Variants in SPECC1L observed in about 807,000 individuals in gnomAD.
The protein encoded by SPECC1L is sperm antigen with calponin homology and coiled-coil domains 1 like.
SPECC1L carries 40 observed loss-of-function variants against 116.8 expected under a neutral mutation model. The ratio of observed to expected loss-of-function variants is 0.34; its 90% confidence interval spans 0.27 to 0.45. The LOEUF (loss-of-function observed/expected upper bound fraction) is 0.45. Ranked by LOEUF, SPECC1L falls within the 20% of genes least tolerant of loss-of-function variation. The pLI, the probability that SPECC1L is intolerant of heterozygous loss-of-function variation, is 1.00. For missense variants in SPECC1L, 1,110 were observed against 1,373.6 expected, an observed-to-expected ratio of 0.81 and a Z score of 3.03; for synonymous variants, 504 against 500.6, an observed-to-expected ratio of 1.01 and a Z score of -0.09.
At chr22:24,318,067 A>G (rs1288522449) in intron 4 of SPECC1L, among the ~76,000 whole-genome samples, 1 of 148,102 alleles carries the variant, frequency 6.8e-6, no homozygotes, top group Admixed American at 6.7e-5. Flanking sequence ...GGCTCCTCAC[A>G]TCCCAGACGA....
Position 24,313,317 on chromosome 22 carries a change from A to G in SPECC1L, c.158A>G (p.Lys53Arg). The G allele has an allele frequency of 6.2e-7, 1 of 1,614,162 alleles. No individual in the cohort carries two copies. Among genetic ancestry groups the G allele is most frequent in the South Asian group, 1.1e-5 (1 of 91,070 alleles). Residue 53 changes from lysine (K) to arginine (R), a missense_variant, in exon 4 of 17, where the codon AAG (lysine) becomes AGG (arginine). Lys to Arg is a conservative substitution (Grantham distance 26, BLOSUM62 2). Coordinates refer to ENST00000314328, the MANE Select transcript of SPECC1L (RefSeq NM_015330.6). ...PGTAASLSKT[K>R]SSDDLLAGMA... ...TTTATTTTCTGTTGCTTCTAGACCA[A>G]GAGCAGTGATGACCTTTTAGCTGGA...
At chr22:24,316,454 C>T (rs2040567959) in intron 4 of SPECC1L, among the ~76,000 whole-genome samples, 1 of 151,208 alleles carries the variant, frequency 6.6e-6, no homozygotes, top group African/African-American at 2.4e-5. Flanking sequence ...TCCCTGGGTA[C>T]TTGAGATTAG....
intron 3 of SPECC1L, among the ~76,000 whole-genome samples, chr22:24,306,970 A>G (rs1383206447): frequency 6.6e-6 from 1 of 152,204 alleles, no homozygotes; most frequent in Non-Finnish European, 1.5e-5. Flanking sequence ...ATGTTGCAGC[A>G]TGTGTCAGAA....
intron 11 of SPECC1L, among the ~76,000 whole-genome samples, chr22:24,361,777 T>C (rs1663294699): frequency 6.7e-6 from 1 of 149,516 alleles, no homozygotes; most frequent in African/African-American, 2.5e-5. Flanking sequence ...GCCTGGACAA[T>C]AGAGAGAAAT....
chr22:24,320,567 A>G (rs942553910), intron 4 of SPECC1L, among the ~76,000 whole-genome samples: 14 of 152,160 alleles, frequency 9.2e-5, no homozygotes, highest in African/African-American at 3.1e-4. Context: ...ATTATTTAAC[A>G]TCTGTGTCTG....
chr22:24,382,147 G>A (rs777302032), intron 14 of SPECC1L, among the ~76,000 whole-genome samples: 3 of 152,144 alleles, frequency 2.0e-5, no homozygotes, highest in Non-Finnish European at 2.9e-5. Context: ...ATCTTTGAAG[G>A]CATTGGGGAC....
intron 14 of SPECC1L, among the ~76,000 whole-genome samples, chr22:24,392,550 G>A (rs763254653): frequency 6.6e-6 from 1 of 152,150 alleles, no homozygotes; most frequent in Non-Finnish European, 1.5e-5. Context: ...CTCTCCATTT[G>A]AGAAGCAGGT....
chr22:24,393,638 G>A (rs2042312361), intron 14 of SPECC1L, among the ~76,000 whole-genome samples: 1 of 152,128 alleles, frequency 6.6e-6, no homozygotes, highest in Non-Finnish European at 1.5e-5. Context: ...TGTGTTTGTG[G>A]CCTTGGGCTT....
Position 24,321,731 on chromosome 22 carries a change from A to G in SPECC1L, c.751A>G (p.Thr251Ala), listed in dbSNP as rs1171607879. 37 of 1,614,132 alleles carry G rather than the reference A, an allele frequency of 2.3e-5. No individual in the cohort carries two copies. Among genetic ancestry groups the G allele is most frequent in the Non-Finnish European group, 2.7e-5 (32 of 1,180,056 alleles). Reference sequence around the variant, plus strand: ...TTTATTGCAGTTGCAGGAACAGAATACTGCCATCCGTGAAGAACTCAACCA... The same window carrying G: ...TTTATTGCAGTTGCAGGAACAGAATGCTGCCATCCGTGAAGAACTCAACCA... ...STLLQLQEQN[T>A]AIREELNQLK... is the part of the protein sequence containing the mutation. Residue 251 changes from threonine to alanine, a missense_variant, in exon 5 of 17, where the codon ACT becomes GCT. Physicochemically the swap from Thr to Ala is moderately conservative, Grantham distance 58. Coordinates refer to ENST00000314328, the MANE Select transcript of SPECC1L (RefSeq NM_015330.6).
intron 2 of SPECC1L, among the ~76,000 whole-genome samples, chr22:24,289,603 T>G (rs957559925): frequency 6.6e-6 from 1 of 152,148 alleles, no homozygotes; most frequent in Non-Finnish European, 1.5e-5. Flanking sequence ...AAATCATAAG[T>G]TAGTGTGAGT....
intron 9 of SPECC1L, among the ~76,000 whole-genome samples, chr22:24,335,767 C>T (rs1222871365): frequency 2.0e-5 from 3 of 152,054 alleles, no homozygotes; most frequent in East Asian, 3.9e-4. Context: ...TTTAAAATGC[C>T]GTATTCATAG....
intron 11 of SPECC1L, among the ~76,000 whole-genome samples, chr22:24,361,113 T>G (rs1038183411): frequency 5.9e-5 from 9 of 152,144 alleles, no homozygotes; most frequent in Non-Finnish European, 1.2e-4. Flanking sequence ...GAAAATAAAT[T>G]TTAGCCAGAC....
chr22:24,341,238 G>A (rs1321465432), intron 10 of SPECC1L, among the ~76,000 whole-genome samples: 1 of 152,206 alleles, frequency 6.6e-6, no homozygotes, highest in Non-Finnish European at 1.5e-5. Flanking sequence ...ATCCCTTTGA[G>A]TCTTTTCCTG....
intron 2 of SPECC1L, among the ~76,000 whole-genome samples, chr22:24,295,764 C>T (rs2049248448): frequency 6.6e-6 from 1 of 152,210 alleles, no homozygotes; most frequent in Non-Finnish European, 1.5e-5. Context: ...GCCTGGCCAA[C>T]ATGGTGAAAC....
intron 11 of SPECC1L, among the ~76,000 whole-genome samples, chr22:24,349,006 T>G (rs2041361625): frequency 6.7e-6 from 1 of 149,524 alleles, no homozygotes; most frequent in Admixed American, 6.6e-5. Context: ...GTCAGGCTGC[T>G]TCTTCTTCCT....
rs377646539 is a variant in SPECC1L at position 24,277,682 on chromosome 22, G to A, written c.-38+879G>A. ...ATTTAGCAAAATGTTATCAAGGTCT[G>A]TCCCTGTTGTAGCATGTATTAGCAC... On this transcript the variant is annotated intron_variant, in intron 2 of 16. Transcript: ENST00000314328. Among the ~76,000 whole-genome samples the A allele has an allele frequency of 3.9e-3, 595 of 152,128 alleles. 6 individuals are homozygous for A. Among genetic ancestry groups the A allele is most frequent in the African/African-American group, 0.013 (555 of 41,478 alleles).
At chr22:24,355,172 A>G (rs2041504632) in intron 11 of SPECC1L, among the ~76,000 whole-genome samples, 1 of 150,866 alleles carries the variant, frequency 6.6e-6, no homozygotes, top group African/African-American at 2.4e-5. Context: ...AGTCCCAGGT[A>G]CTCAGGAGGC....
At chr22:24,298,212 T>G (rs1050991276) in intron 2 of SPECC1L, among the ~76,000 whole-genome samples, 1 of 152,148 alleles carries the variant, frequency 6.6e-6, no homozygotes, top group Non-Finnish European at 1.5e-5. Flanking sequence ...ATGTAAGTGG[T>G]CTGAGCATGT....
At chr22:24,316,412 A>G (rs1237430949) in intron 4 of SPECC1L, among the ~76,000 whole-genome samples, 1 of 151,100 alleles carries the variant, frequency 6.6e-6, no homozygotes, top group Non-Finnish European at 1.5e-5. Flanking sequence ...TTTCCTAGGC[A>G]GAGGACCCTG....
Sources: gnomAD v4.1 joint callset for allele counts (sites outside exome capture counted in the v4.1 genomes callset) on GRCh38, gnomAD v4.1.1 for gene constraint, MANE v1.5 for transcripts, NCBI Gene and HGNC (gene_info 2026-07-23, HGNC 2026-07-21) for gene names.